Variants in MAGI2 observed in about 807,000 individuals in gnomAD.
MAGI2 encodes the protein membrane-associated guanylate kinase, WW and PDZ domain-containing protein 2.
MAGI2 carries 35 observed loss-of-function variants against 133.3 expected under a neutral mutation model. That is an observed-to-expected ratio of 0.26 (90% confidence interval 0.20 to 0.35). The LOEUF (loss-of-function observed/expected upper bound fraction) is 0.35. Ranked by LOEUF, MAGI2 falls within the 10% of genes least tolerant of loss-of-function variation. MAGI2 has a pLI of 1.00. For missense variants in MAGI2, 1,636 were observed against 1,863.4 expected, an observed-to-expected ratio of 0.88 and a Z score of 2.25; for synonymous variants, 729 against 710.6, an observed-to-expected ratio of 1.03 and a Z score of -0.41.
intron 1 of MAGI2, among the ~76,000 whole-genome samples, chr7:79,346,660 T>G (rs1225113588): frequency 1.3e-5 from 2 of 151,964 alleles, no homozygotes; most frequent in Non-Finnish European, 2.9e-5. Context: ...AGTATATTTA[T>G]CTTATGGTTT....
chr7:79,371,078 G>A (rs555997924), intron 1 of MAGI2, among the ~76,000 whole-genome samples: 2 of 152,076 alleles, frequency 1.3e-5, no homozygotes, highest in African/African-American at 4.8e-5. Flanking sequence ...TGATATTCCA[G>A]TTTTTTAAGG....
intron 9 of MAGI2, among the ~76,000 whole-genome samples, chr7:78,263,171 G>C (rs1439026835): frequency 2.6e-5 from 4 of 152,132 alleles, no homozygotes; most frequent in Non-Finnish European, 5.9e-5. Context: ...TGTCTGTGTA[G>C]TATTCCATGG....
intron 10 of MAGI2, chr7:78,251,942 A>G (rs1221091567): frequency 6.6e-6 from 1 of 152,092 alleles, no homozygotes; most frequent in African/African-American, 2.4e-5. Flanking sequence ...GGAGCTCTAG[A>G]CACCCCTGGG....
chr7:79,048,784 G>T (rs1029239689), intron 1 of MAGI2, among the ~76,000 whole-genome samples: 1 of 152,010 alleles, frequency 6.6e-6, no homozygotes, highest in Non-Finnish European at 1.5e-5. Flanking sequence ...GACCAGCCTG[G>T]CCAACAGTGT....
chr7:78,416,687 C>T (rs990727041), intron 6 of MAGI2, among the ~76,000 whole-genome samples: 8 of 152,082 alleles, frequency 5.3e-5, no homozygotes, highest in Non-Finnish European at 1.2e-4. Context: ...AGGTTGGGGC[C>T]TTTTGGGAAG....
intron 6 of MAGI2, among the ~76,000 whole-genome samples, chr7:78,450,979 G>A (rs945688468): frequency 1.2e-4 from 18 of 152,072 alleles, no homozygotes; most frequent in African/African-American, 4.1e-4. Context: ...GATAGGGCAT[G>A]ACAAGTAAGA....
intron 20 of MAGI2, among the ~76,000 whole-genome samples, chr7:78,106,322 G>T (rs995862610): frequency 6.6e-6 from 1 of 152,018 alleles, no homozygotes; most frequent in Admixed American, 6.6e-5. Flanking sequence ...ATAAACAAGG[G>T]GGTGCACATA....
At chr7:78,949,999 A>G (rs963517198) in intron 2 of MAGI2, among the ~76,000 whole-genome samples, 1 of 152,150 alleles carries the variant, frequency 6.6e-6, no homozygotes, top group African/African-American at 2.4e-5. Context: ...ACTCCTCAAC[A>G]GTCCTGCCAA....
intron 9 of MAGI2, among the ~76,000 whole-genome samples, chr7:78,291,698 A>C (rs1460946478): frequency 6.6e-6 from 1 of 152,204 alleles, no homozygotes; most frequent in African/African-American, 2.4e-5. Flanking sequence ...ATACTGGCAA[A>C]CCGAATCCAG....
intron 2 of MAGI2, among the ~76,000 whole-genome samples, chr7:78,792,657 A>G (rs1473227060): frequency 1.3e-5 from 2 of 152,232 alleles, no homozygotes; most frequent in Non-Finnish European, 2.9e-5. Flanking sequence ...TATTTCTCAC[A>G]CACATTATTT....
intron 1 of MAGI2, among the ~76,000 whole-genome samples, chr7:79,180,691 C>T (rs1826537464): frequency 1.3e-5 from 2 of 151,998 alleles, no homozygotes; most frequent in Non-Finnish European, 1.5e-5. Context: ...CCCAACAGTC[C>T]CCCAAAGTCC....
At chr7:78,283,901 G>C (rs907057929) in intron 9 of MAGI2, among the ~76,000 whole-genome samples, 5 of 152,052 alleles carry the variant, frequency 3.3e-5, no homozygotes, top group African/African-American at 1.2e-4. Context: ...ATGTTAATAG[G>C]CCATAAATGG....
chr7:78,032,007 C>A (rs973634312), intron 21 of MAGI2, among the ~76,000 whole-genome samples: 22 of 98,076 alleles, frequency 2.2e-4, no homozygotes, highest in East Asian at 9.1e-4. Context: ...AAAGCCCCCC[C>A]ACTTTTTTTT....
At chr7:78,957,946 A>T (rs1256749570) in intron 2 of MAGI2, among the ~76,000 whole-genome samples, 1 of 152,188 alleles carries the variant, frequency 6.6e-6, no homozygotes, top group Non-Finnish European at 1.5e-5. Context: ...AAATTAGTAC[A>T]TTAGCTGTAG....
rs137883363 is a variant in MAGI2 at position 79,098,097 on chromosome 7, G to A, written c.302-90891C>T. ...AGATGGCACCTCTGCACTCCAGCCTGGGTGACAGAGAGAGACCCTGTTTCA... is the reference window on the plus strand; with the variant it reads ...AGATGGCACCTCTGCACTCCAGCCTAGGTGACAGAGAGAGACCCTGTTTCA... On this transcript the variant is annotated intron_variant, in intron 1 of 21. Coordinates refer to ENST00000354212, the MANE Select transcript of MAGI2 (RefSeq NM_012301.4). Among the ~76,000 whole-genome samples the A allele has an allele frequency of 4.1e-3, 619 of 152,282 alleles. 5 individuals are homozygous for A. Among genetic ancestry groups the A allele is most frequent in the African/African-American group, 0.014 (578 of 41,554 alleles).
intron 10 of MAGI2, among the ~76,000 whole-genome samples, chr7:78,240,564 A>T (rs540448373): frequency 6.6e-6 from 1 of 152,318 alleles, no homozygotes; most frequent in Non-Finnish European, 1.5e-5. Flanking sequence ...GCATGATCTT[A>T]CTCATGTGGA....
intron 2 of MAGI2, among the ~76,000 whole-genome samples, chr7:78,701,118 T>A (rs537501103): frequency 6.6e-6 from 1 of 151,900 alleles, no homozygotes; most frequent in South Asian, 2.1e-4. Context: ...TTTTCCATTA[T>A]AAAAATTTTA....
intron 6 of MAGI2, among the ~76,000 whole-genome samples, chr7:78,427,506 A>G (rs1799391542): frequency 1.3e-5 from 2 of 152,156 alleles, no homozygotes; most frequent in South Asian, 4.1e-4. Flanking sequence ...CATGATGATG[A>G]AAAGCTGAAT....
At chr7:78,441,305 A>C (rs572509789) in intron 6 of MAGI2, among the ~76,000 whole-genome samples, 1 of 152,338 alleles carries the variant, frequency 6.6e-6, no homozygotes, top group Non-Finnish European at 1.5e-5. Context: ...CTGACCTACC[A>C]TGCCACGAAA....
Sources: allele counts gnomAD v4.1 joint callset (sites outside exome capture counted in the v4.1 genomes callset), GRCh38; gene constraint gnomAD v4.1.1; transcripts MANE v1.5; gene names NCBI Gene and HGNC (gene_info 2026-07-23, HGNC 2026-07-21).